Variants in FYB2 observed in about 807,000 individuals in gnomAD.
FYB2 encodes FYN binding protein 2.
A neutral mutation model predicts 94.1 loss-of-function variants in FYB2; 103 were observed. That is an observed-to-expected ratio of 1.09 (90% CI 0.93 to 1.29). The LOEUF is 1.29. FYB2 is among the 50% of genes most tolerant of loss of function. FYB2 has a pLI of 0.00. For missense variants in FYB2, 896 were observed against 841.5 expected, an observed-to-expected ratio of 1.06 and a Z score of -0.80; for synonymous variants, 293 against 287.9, an observed-to-expected ratio of 1.02 and a Z score of -0.18.
chr1:56,812,897 G>A (rs150967462), intron 1 of FYB2, among the ~76,000 whole-genome samples: 14 of 152,322 alleles, frequency 9.2e-5, no homozygotes, highest in Admixed American at 6.5e-4. Context: ...TGCTAGGATT[G>A]TCACAGCAAG....
intron 5 of FYB2, among the ~76,000 whole-genome samples, chr1:56,761,730 C>T (rs902683205): frequency 2.6e-5 from 4 of 152,140 alleles, no homozygotes; most frequent in Non-Finnish European, 5.9e-5. Flanking sequence ...GTTCAAGGGA[C>T]AGTCACCCAA....
chr1:56,826,745 C>T, the FYB2 span: 1 of 152,246 alleles, frequency 6.6e-6, no homozygotes, highest in African/African-American at 2.4e-5. Flanking sequence ...ATGGTAGCCT[C>T]TGTGAGTCCT....
intron 1 of FYB2, among the ~76,000 whole-genome samples, chr1:56,802,098 A>C (rs1346634383): frequency 6.6e-6 from 1 of 152,032 alleles, no homozygotes; most frequent in East Asian, 1.9e-4. Context: ...ACAGTGGGCA[A>C]CTCCTACTCA....
chr1:56,742,271 C>T (rs753986267), intron 11 of FYB2, 50 bp from the exon 12 acceptor site: 67 of 1,376,432 alleles, frequency 4.9e-5, no homozygotes, highest in Non-Finnish European at 6.6e-5. Flanking sequence ...AGCAATAGTT[C>T]AGATTCATAT....
At chr1:56,763,873 A>C (rs1645559763) in intron 5 of FYB2, among the ~76,000 whole-genome samples, 1 of 151,256 alleles carries the variant, frequency 6.6e-6, no homozygotes, top group Non-Finnish European at 1.5e-5. Flanking sequence ...TGTCTTTAAG[A>C]AGTTTGATTA....
At chr1:56,733,458 T>C (rs1461528928) in intron 15 of FYB2, among the ~76,000 whole-genome samples, 1 of 152,140 alleles carries the variant, frequency 6.6e-6, no homozygotes, top group Non-Finnish European at 1.5e-5. Context: ...TCTTAGTTAT[T>C]TCTTGCCTTC....
chr1:56,794,513 C>T lies in FYB2; in HGVS notation c.10-1710G>A, dbSNP rs1156249700. On this transcript the variant is annotated intron_variant, in intron 1 of 19. Coordinates refer to ENST00000343433, the MANE Select transcript of FYB2 (RefSeq NM_001004303.5). ...TTTTGCCAGCTTAGGAAATGTTGGG[C>T]GACCTTTTCTCACCATATTTACAGT... Among the ~76,000 whole-genome samples the T allele has an allele frequency of 3.3e-5, 5 of 152,096 alleles. 1 individual carries two copies. The South Asian group carries it at 6.2e-4, about 19-fold the overall frequency.
intron 15 of FYB2, 128 bp from the exon 16 acceptor site, chr1:56,726,711 T>C: frequency 4.0e-6 from 3 of 755,834 alleles, no homozygotes; most frequent in Non-Finnish European, 6.2e-6. Context: ...ATTTTGATAA[T>C]CCATGGAAAG....
chr1:56,811,740 G>C (rs1261020640), intron 1 of FYB2, among the ~76,000 whole-genome samples: 1 of 150,420 alleles, frequency 6.6e-6, no homozygotes, highest in Admixed American at 6.6e-5. Context: ...TTGGAGAAAA[G>C]GTTGTTGTAA....
intron 1 of FYB2, among the ~76,000 whole-genome samples, chr1:56,794,810 T>C (rs917181996): frequency 2.5e-4 from 38 of 152,124 alleles, no homozygotes; most frequent in African/African-American, 9.2e-4. Flanking sequence ...ACTCCACTTA[T>C]CCATTTTCCA....
In FYB2 at chr1:56,757,733, TC is replaced by T. The variant is rs1480724133; in HGVS notation, c.1098+982del. ...TTCTTTCTTTCTTTCTTTCTTTCTT[TC>T]ATTCTTTCTTTCTTTCTTTCTTTTC... On this transcript the variant is annotated intron_variant, in intron 6 of 19. Coordinates refer to ENST00000343433, the MANE Select transcript of FYB2 (RefSeq NM_001004303.5). Among the ~76,000 whole-genome samples, 16 of 115,138 alleles carry T rather than the reference TC, an allele frequency of 1.4e-4. No individual in the cohort carries two copies. In the Admixed American group the frequency reaches 1.4e-3, roughly 10 times the overall value. 75.5% of individuals were successfully genotyped at this position (115,138 alleles called of 152,430 possible).
chr1:56,745,299 T>C (rs1645043177), intron 9 of FYB2, among the ~76,000 whole-genome samples: 1 of 152,082 alleles, frequency 6.6e-6, no homozygotes, highest in Non-Finnish European at 1.5e-5. Context: ...ACATCTCTCA[T>C]GAATTCCAGA....
At chr1:56,746,139 T>C (rs1645062113) in intron 9 of FYB2, among the ~76,000 whole-genome samples, 1 of 151,942 alleles carries the variant, frequency 6.6e-6, no homozygotes, top group Admixed American at 6.6e-5. Flanking sequence ...TTATTGTCCG[T>C]CTCCTCTGAT....
At chr1:56,753,515 T>C (rs1163670846) in intron 8 of FYB2, among the ~76,000 whole-genome samples, 2 of 152,106 alleles carry the variant, frequency 1.3e-5, no homozygotes, top group Admixed American at 1.3e-4. Flanking sequence ...GCACAACGTT[T>C]AAGGAAACTC....
At position 56,789,053 on chromosome 1, in the gene FYB2, G is replaced by C. The variant is rs41313256; in HGVS notation, c.839C>G (p.Pro280Arg). The change falls in exon 3 of 20, where the codon CCA becomes CGA. Residue 280 changes from proline (P) to arginine (R), a missense_variant. Pro to Arg is a moderately radical substitution (Grantham distance 103, BLOSUM62 -2). Transcript: ENST00000343433. The stretch of plus-strand genomic sequence containing the variant: ...CACGATGGGAGGTCTTGAAGGCTTT[G>C]GGGGAGGAGGACCCAGGGAGTCGAT... ...PSIDSLGPPP[P>R]KPSRPPIVNL... 2.5e-5 allele frequency: 40 copies of C among 1,614,006 alleles called. No individual in the cohort carries two copies. Among genetic ancestry groups the C allele is most frequent in the Non-Finnish European group, 3.1e-5 (37 of 1,179,916 alleles).
intron 5 of FYB2, among the ~76,000 whole-genome samples, chr1:56,759,558 G>A (rs1393977676): frequency 6.6e-6 from 1 of 152,120 alleles, no homozygotes; most frequent in Non-Finnish European, 1.5e-5. Flanking sequence ...CATCTTATGG[G>A]ACCACGGCTG....
rs369195440 is a variant in FYB2, at chr1:56,763,624, T to G, written c.1063+4205A>C. Among the ~76,000 whole-genome samples, 51 of 152,290 alleles carry G rather than the reference T, an allele frequency of 3.3e-4. 1 individual carries two copies. The South Asian group carries it at 0.01, about 31-fold the overall frequency. On this transcript the variant is annotated intron_variant, in intron 5 of 19. Transcript: ENST00000343433. Reference sequence around the variant, plus strand: ...CCTGCTTCAGTCTTAATATTATATCTTTTTTCTGTTTCTTTTTCAGCCTTG... The same window carrying G: ...CCTGCTTCAGTCTTAATATTATATCGTTTTTCTGTTTCTTTTTCAGCCTTG...
chr1:56,768,634 T>C (rs751814451), intron 4 of FYB2, among the ~76,000 whole-genome samples: 3 of 152,174 alleles, frequency 2.0e-5, no homozygotes, highest in Non-Finnish European at 4.4e-5. Flanking sequence ...AAGGCAAATC[T>C]GAAATTATTC....
intron 15 of FYB2, among the ~76,000 whole-genome samples, chr1:56,733,479 T>C (rs1232524884): frequency 6.6e-6 from 1 of 152,134 alleles, no homozygotes. Context: ...TGCTAGCTTT[T>C]GAATTTGTTT....
Sources: gnomAD v4.1 joint callset for allele counts (sites outside exome capture counted in the v4.1 genomes callset) on GRCh38, gnomAD v4.1.1 for gene constraint, MANE v1.5 for transcripts, NCBI Gene and HGNC (gene_info 2026-07-23, HGNC 2026-07-21) for gene names.